The following ZNF33B variants were observed in gnomAD, a reference collection of about 807,000 sequenced individuals.
The protein encoded by ZNF33B is zinc finger protein 11b (KOX 2).
ZNF33B carries 29 observed loss-of-function variants against 45.8 expected under a neutral mutation model. That is an observed-to-expected ratio of 0.63 (90% CI 0.47 to 0.86). ZNF33B has a LOEUF of 0.86. Among genes scored for constraint, ZNF33B ranks in the 40% least tolerant of loss-of-function variants. The probability of loss-of-function intolerance (pLI) is 0.00; values close to 1 mark genes in which losing one functional copy is unlikely to be tolerated. For missense variants in ZNF33B, 831 were observed against 909.9 expected (o/e 0.91, Z 1.12); for synonymous variants, 305 against 307.8 (o/e 0.99, Z 0.10).
In ZNF33B at chr10:42,594,388, G is replaced by C. The variant is rs753116255; in HGVS notation, c.562C>G (p.Arg188Gly). The C allele has an allele frequency of 1.2e-6, 2 of 1,613,540 alleles. No homozygotes were observed. The highest frequency in any genetic ancestry group is 1.7e-6 in the Non-Finnish European group (2 of 1,179,826). Residue 188 changes from arginine (R) to glycine (G), a missense_variant, in exon 5 of 5, where the codon CGA becomes GGA. Coordinates refer to ENST00000359467, the MANE Select transcript of ZNF33B (RefSeq NM_006955.3). Reference sequence around the variant, plus strand: ...TTTTTCAAAACTTCATTTTTCTCTCGAGTATGAGTTTCATCATGCTTAATA... The same window carrying C: ...TTTTTCAAAACTTCATTTTTCTCTCCAGTATGAGTTTCATCATGCTTAATA... ...LNIKHDETHT[R>G]EKNEVLKNRN...
intron 1 of ZNF33B, chr10:42,578,570 CATGGT>C (rs1836780901): frequency 1.3e-5 from 2 of 152,530 alleles, no homozygotes; most frequent in Admixed American, 1.3e-4. Flanking sequence ...TACACCACTG[CATGGT>C]AGCATGGACA....
intron 4 of ZNF33B, among the ~76,000 whole-genome samples, chr10:42,600,875 G>A (rs1324107818): frequency 1.3e-5 from 2 of 152,134 alleles, no homozygotes; most frequent in Non-Finnish European, 2.9e-5. Context: ...CTTACATAAA[G>A]AAAAATATCT....
chr10:42,598,475 T>G (rs1195823393), intron 4 of ZNF33B, among the ~76,000 whole-genome samples: 1 of 152,184 alleles, frequency 6.6e-6, no homozygotes, highest in African/African-American at 2.4e-5. Context: ...GACCAACAGC[T>G]TAGTAGGGCA....
chr10:42,590,147 G>A lies in ZNF33B; in HGVS notation c.*2466C>T, dbSNP rs1481131955. 3.3e-5 allele frequency: 5 copies of A among 152,222 alleles called. No homozygotes were observed. The East Asian group carries it at 5.8e-4, about 18-fold the overall frequency. The allele number at this position is 152,222 out of a possible 1,614,324, so 9.4% of individuals were successfully genotyped here. On this transcript the variant is annotated 3_prime_UTR_variant, in exon 5 of 5. Transcript: ENST00000359467. ...ATTCCTGATTTGCTAACATTTTAAG[G>A]ATTTCTGCATCTGTGTTCACTGGAA... is the stretch of plus-strand genomic sequence containing the variant.
At chr10:42,575,408 G>C (rs1359872658) in intron 1 of ZNF33B, among the ~76,000 whole-genome samples, 1 of 152,138 alleles carries the variant, frequency 6.6e-6, no homozygotes, top group African/African-American at 2.4e-5. Context: ...GCATCAGAGG[G>C]AACCTGGCCC....
downstream of ZNF33B, among the ~76,000 whole-genome samples, chr10:42,584,931 T>G (rs1363120054): frequency 6.6e-6 from 1 of 151,854 alleles, no homozygotes; most frequent in Non-Finnish European, 1.5e-5. Context: ...CCAGGAAGAG[T>G]TTCAGGCTCT....
At chr10:42,602,849 A>G (rs1837683663) in intron 4 of ZNF33B, among the ~76,000 whole-genome samples, 1 of 138,244 alleles carries the variant, frequency 7.2e-6, no homozygotes, top group Admixed American at 7.3e-5. Context: ...TCATTTCCTC[A>G]TATACATGAG....
chr10:42,620,087 G>GT (rs1474864864), intron 4 of ZNF33B, among the ~76,000 whole-genome samples: 1 of 151,814 alleles, frequency 6.6e-6, no homozygotes, highest in Non-Finnish European at 1.5e-5. Flanking sequence ...GTGGTGGCAC[G>GT]TGCCTGTAGT....
chr10:42,599,843 C>T (rs1336714099), intron 4 of ZNF33B, among the ~76,000 whole-genome samples: 1 of 151,996 alleles, frequency 6.6e-6, no homozygotes, highest in African/African-American at 2.4e-5. Flanking sequence ...TTTATATTTC[C>T]TATGAATTTC....
chr10:42,592,629 TCTC>T lies in ZNF33B; in HGVS notation c.2318_2320del (p.Gly773del), dbSNP rs747469762. ...ATATCCAATTCATTCATAAGGTTTT[TCTC>T]CTATGTGTGTTCTCTGATGTACAAT... On this transcript the variant is annotated inframe_deletion, in exon 5 of 5. Coordinates refer to ENST00000359467, the MANE Select transcript of ZNF33B (RefSeq NM_006955.3). 36 of 1,612,458 alleles carry T rather than the reference TCTC, an allele frequency of 2.2e-5. No homozygotes were observed. In the South Asian group the frequency reaches 2.5e-4, roughly 11 times the overall value.
chr10:42,581,452 G>A (rs1319137517), intron 1 of ZNF33B: 1 of 98,956 alleles, frequency 1.0e-5, no homozygotes, highest in African/African-American at 4.5e-5. Flanking sequence ...CAATAAGAGT[G>A]AAAATCTGTC....
intron 4 of ZNF33B, among the ~76,000 whole-genome samples, chr10:42,605,576 G>T (rs1416357214): frequency 6.6e-6 from 1 of 152,044 alleles, no homozygotes; most frequent in Admixed American, 6.6e-5. Flanking sequence ...ATTGCTAGTA[G>T]ACTAACAATA....
chr10:42,627,551 T>G (rs1236681933), intron 4 of ZNF33B, among the ~76,000 whole-genome samples: 1 of 152,238 alleles, frequency 6.6e-6, no homozygotes, highest in Non-Finnish European at 1.5e-5. Flanking sequence ...AGTGTTATTT[T>G]CTTCCTTCTA....
chr10:42,587,738 C>T (rs1173462043), downstream of ZNF33B, among the ~76,000 whole-genome samples: 4 of 152,152 alleles, frequency 2.6e-5, no homozygotes, highest in Admixed American at 6.5e-5. Flanking sequence ...GGCACACTGG[C>T]GAGGGTTTTG....
intron 4 of ZNF33B, among the ~76,000 whole-genome samples, chr10:42,621,587 TAAAAC>T (rs1838594251): frequency 2.0e-5 from 3 of 151,622 alleles, no homozygotes; most frequent in South Asian, 4.2e-4. Flanking sequence ...ACTTCATTAA[TAAAAC>T]AAGTAAAAAA....
chr10:42,612,602 T>A lies in ZNF33B; in HGVS notation c.251-17903A>T, dbSNP rs555402839. ...ATGGCATCTAATTATTTTTATAAGA[T>A]GTTGTATTCTACTTGGATTTTTGCA... On this transcript the variant is annotated intron_variant, in intron 4 of 4. Coordinates refer to ENST00000359467, the MANE Select transcript of ZNF33B (RefSeq NM_006955.3). 2.0e-5 allele frequency among the ~76,000 whole-genome samples: 3 copies of A among 152,288 alleles called. No individual in the cohort carries two copies. The East Asian group carries it at 5.8e-4, about 29-fold the overall frequency.
intron 1 of ZNF33B, 88 bp downstream of exon 1, chr10:42,638,386 G>C: frequency 6.0e-6 from 2 of 331,764 alleles, no homozygotes; most frequent in Non-Finnish European, 1.2e-5. Context: ...GGGACTCCTC[G>C]CCACCACCTG....
At chr10:42,638,427 T>G in intron 1 of ZNF33B, 47 bp downstream of exon 1, 2 of 336,148 alleles carry the variant, frequency 5.9e-6, no homozygotes, top group East Asian at 9.5e-5. Flanking sequence ...GCTCCTGGAG[T>G]CGCGCGGGGC....
chr10:42,595,320 T>G (rs1323629615), intron 4 of ZNF33B, among the ~76,000 whole-genome samples: 2 of 152,174 alleles, frequency 1.3e-5, no homozygotes, highest in East Asian at 3.8e-4. Context: ...TCACATAGAT[T>G]AAAGCTCAGG....
Sources: allele counts gnomAD v4.1 joint callset (sites outside exome capture counted in the v4.1 genomes callset), GRCh38; gene constraint gnomAD v4.1.1; transcripts MANE v1.5; gene names NCBI Gene and HGNC (gene_info 2026-07-23, HGNC 2026-07-21).